The following CBR4 variants were observed in gnomAD, a reference collection of about 807,000 sequenced individuals.
The protein encoded by CBR4 is carbonyl reductase 4, also known as 3-oxoacyl-[acyl-carrier-protein] reductase.
In CBR4, 22 loss-of-function variants were observed where a neutral mutation model predicts 21.0. The observed-to-expected ratio is 1.05, with a 90% CI of 0.75 to 1.50. The LOEUF (loss-of-function observed/expected upper bound fraction) is 1.50, where lower values mean the gene tolerates loss of function less well. Among genes scored for constraint, CBR4 ranks in the 40% most tolerant of loss-of-function variants. The pLI is 0.00. For synonymous variants in CBR4, 100 were observed against 104.4 expected, an observed-to-expected ratio of 0.96 and a Z score of 0.26; for missense variants, 302 against 286.3, an observed-to-expected ratio of 1.05 and a Z score of -0.40.
chr4:168,960,871 C>G (rs1004098052), intron 2 of CBR4, among the ~76,000 whole-genome samples: 2 of 152,206 alleles, frequency 1.3e-5, no homozygotes, highest in Non-Finnish European at 2.9e-5. Context: ...GCGGTGGCAT[C>G]TATTTCAACT....
At chr4:168,947,736 T>C (rs1299451808) in intron 2 of CBR4, among the ~76,000 whole-genome samples, 2 of 152,198 alleles carry the variant, frequency 1.3e-5, no homozygotes, top group African/African-American at 4.8e-5. Flanking sequence ...TGAGCAGTAT[T>C]CCACCGTACA....
chr4:168,989,306 T>C lies in CBR4; in HGVS notation c.*844A>G, dbSNP rs1764804417. ...AAACACATCCTAAGTTCATGAAATC[T>C]GTGCGGTTCACTACTGTACCAGGTA... On this transcript the variant is annotated 3_prime_UTR_variant, in exon 5 of 5. Transcript: ENST00000306193. 1.0e-6 allele frequency: 1 copy of C among 985,416 alleles called. No homozygotes were observed. The allele number at this position is 985,416 out of a possible 1,614,324, so 61.0% of individuals were successfully genotyped here. A position where few individuals can be genotyped will look rare whatever the true frequency, so the allele number is the denominator to read the frequency against.
intron 2 of CBR4, among the ~76,000 whole-genome samples, chr4:168,929,295 AAG>A (rs1347476968): frequency 6.6e-6 from 1 of 152,216 alleles, no homozygotes; most frequent in Non-Finnish European, 1.5e-5. Flanking sequence ...TACTACGGGA[AAG>A]AGAAAGCTGG....
At chr4:168,958,674 G>A (rs537809844) in intron 2 of CBR4, among the ~76,000 whole-genome samples, 3 of 152,110 alleles carry the variant, frequency 2.0e-5, no homozygotes, top group Admixed American at 6.5e-5. Flanking sequence ...CATTCCCACC[G>A]GCAACAAAGT....
intron 2 of CBR4, among the ~76,000 whole-genome samples, chr4:168,929,013 G>A (rs531508335): frequency 2.6e-4 from 40 of 152,284 alleles, no homozygotes; most frequent in Non-Finnish European, 5.0e-4. Context: ...CAGAGGATGG[G>A]GATATTAGGG....
chr4:168,952,462 G>C (rs1374492686), intron 2 of CBR4, among the ~76,000 whole-genome samples: 2 of 152,112 alleles, frequency 1.3e-5, no homozygotes, highest in Non-Finnish European at 1.5e-5. Context: ...TGCTGACCTA[G>C]TGTGATTTTG....
intron 2 of CBR4, among the ~76,000 whole-genome samples, chr4:168,931,087 G>C (rs1762957945): frequency 6.6e-6 from 1 of 152,134 alleles, no homozygotes; most frequent in Non-Finnish European, 1.5e-5. Flanking sequence ...CTGTGACTCT[G>C]GTTCTGCACA....
intron 2 of CBR4, among the ~76,000 whole-genome samples, chr4:168,918,161 C>A (rs1170232633): frequency 6.9e-6 from 1 of 144,352 alleles, no homozygotes; most frequent in Non-Finnish European, 1.5e-5. Context: ...CCAACCTGGG[C>A]AACAGAACAA....
chr4:168,971,436 A>ATT (rs70961566), intron 2 of CBR4, among the ~76,000 whole-genome samples: 11,133 of 113,674 alleles, frequency 0.098, 816 homozygotes, highest in Middle Eastern at 0.14. Flanking sequence ...TGCCCAGCTC[A>ATT]TTTTTTTTTT....
chr4:168,933,286 G>A (rs919182921), intron 2 of CBR4, among the ~76,000 whole-genome samples: 1 of 152,016 alleles, frequency 6.6e-6, no homozygotes, highest in Non-Finnish European at 1.5e-5. Flanking sequence ...ACCTGTAAAA[G>A]ACACACAAAG....
At position 168,989,837 on chromosome 4, in the gene CBR4, A is replaced by G. The variant is rs1211168659; in HGVS notation, c.*313T>C. The G allele has an allele frequency of 1.5e-5, 15 of 1,022,606 alleles. No individual in the cohort carries two copies. In the Admixed American group the frequency reaches 1.7e-4, roughly 12 times the overall value. 63.3% of individuals were successfully genotyped at this position (1,022,606 alleles called of 1,614,324 possible). A position where few individuals can be genotyped will look rare whatever the true frequency, so the allele number is the denominator to read the frequency against. ...AAAACACAATTTGTCTGGGGGGATG[A>G]TTGCACATGTATTTAAATATGTTAA... is the stretch of plus-strand genomic sequence containing the variant. On this transcript the variant is annotated 3_prime_UTR_variant, in exon 5 of 5. Coordinates refer to ENST00000306193, the MANE Select transcript of CBR4 (RefSeq NM_032783.5).
chr4:168,950,296 T>C (rs908813155), intron 2 of CBR4, among the ~76,000 whole-genome samples: 2 of 152,308 alleles, frequency 1.3e-5, no homozygotes, highest in East Asian at 1.9e-4. Flanking sequence ...GAGGTTTTGA[T>C]AGGTTGTGTT....
intron 2 of CBR4, among the ~76,000 whole-genome samples, chr4:168,956,885 C>T (rs1310521387): frequency 6.6e-6 from 1 of 152,118 alleles, no homozygotes. Flanking sequence ...AAACCCTATA[C>T]TGAGATGTTT....
chr4:168,983,606 A>T (rs191545147), downstream of CBR4, among the ~76,000 whole-genome samples: 2 of 152,276 alleles, frequency 1.3e-5, no homozygotes, highest in African/African-American at 4.8e-5. Flanking sequence ...CATAATGAAA[A>T]AAAAGAAAAC....
chr4:168,965,558 G>A (rs1490931922), intron 2 of CBR4, among the ~76,000 whole-genome samples: 1 of 152,106 alleles, frequency 6.6e-6, no homozygotes, highest in Non-Finnish European at 1.5e-5. Context: ...CAGATATATA[G>A]ACCAATGGAA....
intron 2 of CBR4, among the ~76,000 whole-genome samples, chr4:168,895,677 G>A: frequency 6.6e-6 from 1 of 152,106 alleles, no homozygotes; most frequent in East Asian, 1.9e-4. Context: ...AGAAGACAAG[G>A]GGTTGGTCTT....
At chr4:168,939,044 C>A (rs1763188059) in intron 2 of CBR4, among the ~76,000 whole-genome samples, 1 of 152,130 alleles carries the variant, frequency 6.6e-6, no homozygotes, top group South Asian at 2.1e-4. Context: ...TGCAAAAATC[C>A]TCAATAAAAT....
At chr4:168,957,545 C>T (rs887066534) in intron 2 of CBR4, among the ~76,000 whole-genome samples, 8 of 152,164 alleles carry the variant, frequency 5.3e-5, no homozygotes, top group East Asian at 1.9e-4. Context: ...TATACACCCA[C>T]GAAACTGCTA....
At chr4:168,949,271 T>C (rs1763475260) in intron 2 of CBR4, among the ~76,000 whole-genome samples, 2 of 152,114 alleles carry the variant, frequency 1.3e-5, no homozygotes, top group South Asian at 4.1e-4. Context: ...TCTGGAGGAG[T>C]CTTCAGGGTT....
Sources: gnomAD v4.1 joint callset for allele counts (sites outside exome capture counted in the v4.1 genomes callset) on GRCh38, gnomAD v4.1.1 for gene constraint, MANE v1.5 for transcripts, NCBI Gene and HGNC (gene_info 2026-07-23, HGNC 2026-07-21) for gene names.